MBOAT1: variants seen among roughly 807,000 people sequenced by gnomAD.
MBOAT1 encodes the protein membrane bound glycerophospholipid O-acyltransferase 1, also known as membrane-bound glycerophospholipid O-acyltransferase 1.
MBOAT1 carries 67 observed loss-of-function variants against 64.4 expected under a neutral mutation model. The observed-to-expected ratio is 1.04, with a 90% CI of 0.85 to 1.27. The LOEUF is 1.27. Among genes scored for constraint, MBOAT1 ranks in the 50% most tolerant of loss-of-function variants. The probability of loss-of-function intolerance (pLI) is 0.00; values close to 1 mark genes in which losing one functional copy is unlikely to be tolerated. For missense variants in MBOAT1, 563 were observed against 604.6 expected (o/e 0.93, Z 0.72); for synonymous variants, 229 against 218.9 (o/e 1.05, Z -0.41).
chr6:20,137,510 TCAC>T (rs10604781), intron 4 of MBOAT1, among the ~76,000 whole-genome samples: 130,319 of 151,882 alleles, frequency 0.86, 57,017 homozygotes, highest in East Asian at 0.99. Context: ...CAGCCCACAT[TCAC>T]CACAGAGAAA....
At chr6:20,168,016 C>T (rs1762059716) in intron 1 of MBOAT1, among the ~76,000 whole-genome samples, 2 of 152,168 alleles carry the variant, frequency 1.3e-5, no homozygotes, top group South Asian at 4.1e-4. Flanking sequence ...TCCCCAGAAA[C>T]CCTACCTAGC....
At chr6:20,126,103 A>G (rs1320260857) in intron 7 of MBOAT1, among the ~76,000 whole-genome samples, 1 of 152,208 alleles carries the variant, frequency 6.6e-6, no homozygotes, top group Non-Finnish European at 1.5e-5. Flanking sequence ...TTCCCTTGCA[A>G]TAAGTGAGCT....
chr6:20,201,763 T>C (rs1437223736), intron 1 of MBOAT1, among the ~76,000 whole-genome samples: 1 of 151,816 alleles, frequency 6.6e-6, no homozygotes, highest in Non-Finnish European at 1.5e-5. Flanking sequence ...GTATTTTTAG[T>C]AGAGATGGGG....
intron 10 of MBOAT1, among the ~76,000 whole-genome samples, chr6:20,114,878 C>T (rs1384742873): frequency 7.1e-6 from 1 of 140,934 alleles, no homozygotes; most frequent in African/African-American, 2.8e-5. Context: ...AGCGAAACTC[C>T]TTCTCAAAAA....
chr6:20,150,320 G>C (rs73384438), intron 3 of MBOAT1, among the ~76,000 whole-genome samples: 12,726 of 151,844 alleles, frequency 0.084, 1,714 homozygotes, highest in African/African-American at 0.29. Flanking sequence ...CCCAGAAAAC[G>C]ATCACCAGAT....
chr6:20,168,499 G>C (rs1762075026), intron 1 of MBOAT1, among the ~76,000 whole-genome samples: 1 of 104,518 alleles, frequency 9.6e-6, no homozygotes, highest in Non-Finnish European at 1.9e-5. Context: ...GACAGAGAGA[G>C]AGAGAGAGGA....
At chr6:20,168,273 T>C (rs573386499) in intron 1 of MBOAT1, among the ~76,000 whole-genome samples, 1 of 152,254 alleles carries the variant, frequency 6.6e-6, no homozygotes, top group Admixed American at 6.5e-5. Context: ...AACTAAACCC[T>C]GATACTATAG....
At chr6:20,151,928 C>A (rs1231313903) in intron 2 of MBOAT1, among the ~76,000 whole-genome samples, 2 of 152,170 alleles carry the variant, frequency 1.3e-5, no homozygotes, top group Non-Finnish European at 2.9e-5. Flanking sequence ...AAGAAATACA[C>A]CAACATCTAC....
intron 1 of MBOAT1, among the ~76,000 whole-genome samples, chr6:20,188,242 AATC>A (rs1163868791): frequency 6.6e-6 from 1 of 152,190 alleles, no homozygotes; most frequent in Non-Finnish European, 1.5e-5. Flanking sequence ...CAAGTTGCCT[AATC>A]ATCATGGGAG....
chr6:20,137,275 T>C (rs544366284), intron 4 of MBOAT1, among the ~76,000 whole-genome samples: 2 of 152,168 alleles, frequency 1.3e-5, no homozygotes, highest in Non-Finnish European at 2.9e-5. Context: ...CAACCTGCAA[T>C]CGTGATGGGA....
At chr6:20,134,837 A>T (rs1760929720) in intron 4 of MBOAT1, among the ~76,000 whole-genome samples, 2 of 151,900 alleles carry the variant, frequency 1.3e-5, no homozygotes, top group African/African-American at 4.8e-5. Flanking sequence ...CATCTATGTC[A>T]TACTTCAATC....
At chr6:20,102,640 C>T (rs988743488) in intron 12 of MBOAT1, among the ~76,000 whole-genome samples, 2 of 152,134 alleles carry the variant, frequency 1.3e-5, no homozygotes, top group South Asian at 4.1e-4. Flanking sequence ...AACCAACTGG[C>T]TCATCTGTGG....
In MBOAT1 at chr6:20,124,635, A is replaced by T. The variant is rs764114370; in HGVS notation, c.715-35T>A. 16 of 1,604,716 alleles carry T rather than the reference A, an allele frequency of 1.0e-5. No homozygotes were observed. In the African/African-American group the frequency reaches 1.3e-4, roughly 13 times the overall value. On this transcript the variant is annotated intron_variant, in intron 7 of 12. Transcript: ENST00000324607. ...GGGAAAAATCAGTGTCACCGTGCAG[A>T]AGGCTCAGGTATGAAGAAAACAGCT...
At chr6:20,204,897 C>G (rs1763218653) in intron 1 of MBOAT1, among the ~76,000 whole-genome samples, 1 of 152,138 alleles carries the variant, frequency 6.6e-6, no homozygotes, top group Non-Finnish European at 1.5e-5. Context: ...TGCTTCCTAA[C>G]TTGAAATTTG....
intron 1 of MBOAT1, among the ~76,000 whole-genome samples, chr6:20,172,097 A>T (rs985079846): frequency 2.0e-5 from 3 of 152,058 alleles, no homozygotes; most frequent in Non-Finnish European, 4.4e-5. Context: ...GAAAAGAGAG[A>T]AGATAGTAAG....
At chr6:20,176,812 T>C (rs1419008458) in intron 1 of MBOAT1, among the ~76,000 whole-genome samples, 4 of 151,778 alleles carry the variant, frequency 2.6e-5, no homozygotes, top group Admixed American at 6.6e-5. Flanking sequence ...TTAGTAGAGG[T>C]GGGGTTTCAT....
rs538783500 is a variant in MBOAT1 at position 20,193,107 on chromosome 6, G to A, written c.99+19029C>T. Among the ~76,000 whole-genome samples the A allele has an allele frequency of 1.3e-3, 174 of 138,802 alleles. 1 individual carries two copies. The highest frequency in any genetic ancestry group is 7.4e-3 in the South Asian group (31 of 4,208). 91.1% of individuals were successfully genotyped at this position (138,802 alleles called of 152,430 possible). ...TGCAAGCTCCGTCTCCCGGGTTCAC[G>A]CCATTCTCCTGCCTCAGCCTCCAGA... On this transcript the variant is annotated intron_variant, in intron 1 of 12. Transcript: ENST00000324607.
At chr6:20,194,137 C>A (rs181885293) in intron 1 of MBOAT1, among the ~76,000 whole-genome samples, 182 of 150,430 alleles carry the variant, frequency 1.2e-3, no homozygotes, top group African/African-American at 4.1e-3. Context: ...AAAAAAAGCA[C>A]GCATTTTTAA....
intron 2 of MBOAT1, among the ~76,000 whole-genome samples, chr6:20,152,363 AAATT>A (rs57670324): frequency 0.062 from 8,780 of 141,570 alleles, 313 homozygotes; most frequent in Non-Finnish European, 0.084. Flanking sequence ...ATAAATAAAT[AAATT>A]AATTAATTAA....
Sources: gnomAD v4.1 joint callset for allele counts (sites outside exome capture counted in the v4.1 genomes callset) on GRCh38, gnomAD v4.1.1 for gene constraint, MANE v1.5 for transcripts, NCBI Gene and HGNC (gene_info 2026-07-23, HGNC 2026-07-21) for gene names.